Variants in RALGPS2 observed in about 807,000 individuals in gnomAD.
RALGPS2 encodes the protein Ral GEF with PH domain and SH3 binding motif 2, also known as ras-specific guanine nucleotide-releasing factor RalGPS2.
RALGPS2 carries 43 observed loss-of-function variants against 86.8 expected under a neutral mutation model. That is an observed-to-expected ratio of 0.50 (90% CI 0.39 to 0.64). The LOEUF (loss-of-function observed/expected upper bound fraction) is 0.64, where lower values mean the gene tolerates loss of function less well. Among genes scored for constraint, RALGPS2 ranks in the 30% least tolerant of loss-of-function variants. The pLI is 0.00. For synonymous variants in RALGPS2, 243 were observed against 231.3 expected, an observed-to-expected ratio of 1.05 and a Z score of -0.46; for missense variants, 536 against 694.6, an observed-to-expected ratio of 0.77 and a Z score of 2.57.
chr1:178,837,709 C>CAT (rs1553268702), intron 8 of RALGPS2, among the ~76,000 whole-genome samples: 1 of 151,836 alleles, frequency 6.6e-6, no homozygotes, highest in African/African-American at 2.4e-5. Context: ...TGCAGCCCAC[C>CAT]GAGCCGAAGC....
intron 8 of RALGPS2, chr1:178,850,567 A>T (rs939082493): frequency 4.6e-5 from 7 of 152,204 alleles, no homozygotes; most frequent in African/African-American, 1.7e-4. Context: ...TGGGAAAATC[A>T]GCATAGGATA....
intron 8 of RALGPS2, among the ~76,000 whole-genome samples, chr1:178,840,321 C>T (rs1219543834): frequency 2.0e-5 from 3 of 152,168 alleles, no homozygotes; most frequent in Admixed American, 6.5e-5. Flanking sequence ...ACAGTGCAAT[C>T]AAACTAGAAC....
chr1:178,778,371 A>G (rs1436805338), intron 2 of RALGPS2, among the ~76,000 whole-genome samples: 94 of 3,740 alleles, frequency 0.025, no homozygotes, highest in African/African-American at 0.054. Context: ...TTAGAATGGC[A>G]ATCATTAAAA....
chr1:178,763,547 G>A lies in RALGPS2; in HGVS notation c.-83-13135G>A, dbSNP rs138679706. 8.5e-3 allele frequency among the ~76,000 whole-genome samples: 1,297 copies of A among 152,206 alleles called. 17 individuals are homozygous for A. The highest frequency in any genetic ancestry group is 0.029 in the African/African-American group (1,200 of 41,532). ...TGAGCAGTGTTTTATAATCTTCATT[G>A]TAAAGATAGTAAACCTCTCTAGTTA... On this transcript the variant is annotated intron_variant, in intron 1 of 19. Transcript: ENST00000367635.
At chr1:178,856,922 G>A (rs144841192) in intron 8 of RALGPS2, among the ~76,000 whole-genome samples, 180 of 152,130 alleles carry the variant, frequency 1.2e-3, no homozygotes, top group African/African-American at 3.9e-3. Flanking sequence ...GTTACCTGTG[G>A]CACAAAACAT....
intron 1 of RALGPS2, among the ~76,000 whole-genome samples, chr1:178,757,758 T>C (rs1351317246): frequency 1.3e-5 from 2 of 152,120 alleles, no homozygotes; most frequent in African/African-American, 2.4e-5. Flanking sequence ...TTTACTTGTT[T>C]TGTTGTGTTT....
intron 8 of RALGPS2, chr1:178,853,679 T>C: frequency 6.2e-7 from 1 of 1,613,204 alleles, no homozygotes; most frequent in Admixed American, 1.7e-5. Flanking sequence ...GTCCAAACTG[T>C]TTTCACACCA....
intron 8 of RALGPS2, among the ~76,000 whole-genome samples, chr1:178,876,665 G>T (rs1353554979): frequency 6.6e-6 from 1 of 152,264 alleles, no homozygotes; most frequent in South Asian, 2.1e-4. Context: ...ATGAAGTAAT[G>T]GGGTAAAAGT....
rs888632393 is a variant in RALGPS2, at chr1:178,897,691, G to A, written c.1459G>A (p.Ala487Thr). 2 of 1,612,530 alleles carry A rather than the reference G, an allele frequency of 1.2e-6. No homozygotes were observed. Among genetic ancestry groups the A allele is most frequent in the Admixed American group, 3.3e-5 (2 of 59,834 alleles). Residue 487 changes from alanine (A) to threonine (T), a missense_variant, in exon 17 of 20, where the codon GCT becomes ACT. Physicochemically the swap from Ala to Thr is moderately conservative, Grantham distance 58. Around this residue, in one of 3 missense-constraint regions of RALGPS2, gnomAD observed 309 missense variants for 363.0 expected, o/e 0.85. Coordinates refer to ENST00000367635, the MANE Select transcript of RALGPS2 (RefSeq NM_152663.5). ...TVASWTKYWA[A>T]LCGTQLFYYA... is the part of the protein sequence containing the mutation. ...AGCATCTTGGACAAAATATTGGGCA[G>A]CTTTGTGTGGGACACAGCTTTTTTA... is the stretch of plus-strand genomic sequence containing the variant.
intron 1 of RALGPS2, among the ~76,000 whole-genome samples, chr1:178,751,163 T>G (rs557830846): frequency 6.6e-6 from 1 of 152,232 alleles, no homozygotes; most frequent in East Asian, 1.9e-4. Flanking sequence ...CAAACCCTTA[T>G]GCTTTTTTCT....
chr1:178,887,600 C>T (rs146989786), intron 13 of RALGPS2, among the ~76,000 whole-genome samples: 2,787 of 152,158 alleles, frequency 0.018, 97 homozygotes, highest in African/African-American at 0.062. Context: ...GGTAAACAGC[C>T]AGTAGAAGGA....
chr1:178,799,057 TGA>T (rs372196648), intron 4 of RALGPS2, among the ~76,000 whole-genome samples: 180 of 152,150 alleles, frequency 1.2e-3, no homozygotes, highest in African/African-American at 3.9e-3. Flanking sequence ...GTTGTTGTTT[TGA>T]GACGGAGTCT....
chr1:178,860,680 G>A (rs1657941326), intron 8 of RALGPS2, among the ~76,000 whole-genome samples: 1 of 152,122 alleles, frequency 6.6e-6, no homozygotes, highest in African/African-American at 2.4e-5. Flanking sequence ...CATATAAGTA[G>A]AGTCTCATAC....
intron 1 of RALGPS2, among the ~76,000 whole-genome samples, chr1:178,767,358 C>CTTTTTTTT (rs1159630163): frequency 8.5e-5 from 6 of 70,452 alleles, no homozygotes; most frequent in East Asian, 5.3e-4. Flanking sequence ...TGTCCTTTGG[C>CTTTTTTTT]TTTTTTTTTT....
intron 7 of RALGPS2, among the ~76,000 whole-genome samples, chr1:178,828,341 C>G (rs1172857041): frequency 6.6e-6 from 1 of 152,160 alleles, no homozygotes; most frequent in African/African-American, 2.4e-5. Context: ...GCCTACAATA[C>G]ACCTAGGCTA....
At chr1:178,746,696 A>G in intron 1 of RALGPS2, 1 of 774,510 alleles carries the variant, frequency 1.3e-6, no homozygotes. Context: ...GGTATCTGTC[A>G]ATCTTGGCCT....
intron 1 of RALGPS2, among the ~76,000 whole-genome samples, chr1:178,742,284 T>C (rs1198581694): frequency 6.6e-6 from 1 of 152,040 alleles, no homozygotes; most frequent in East Asian, 1.9e-4. Context: ...TACACCATGC[T>C]CGCAATAGTC....
chr1:178,806,719 A>G (rs1400734241), intron 4 of RALGPS2, among the ~76,000 whole-genome samples: 3 of 151,948 alleles, frequency 2.0e-5, no homozygotes, highest in Non-Finnish European at 4.4e-5. Flanking sequence ...TAATAATTAT[A>G]TGGTTTTGGC....
intron 4 of RALGPS2, 139 bp downstream of exon 4, chr1:178,785,746 T>C: frequency 2.6e-6 from 3 of 1,150,728 alleles, no homozygotes; most frequent in Non-Finnish European, 3.5e-6. Context: ...ACATACTGTT[T>C]GGGCCTCAGA....
Sources: allele counts gnomAD v4.1 joint callset (sites outside exome capture counted in the v4.1 genomes callset), GRCh38; gene constraint gnomAD v4.1.1; regional missense constraint gnomAD v4.1.1; transcripts MANE v1.5; gene names NCBI Gene and HGNC (gene_info 2026-07-23, HGNC 2026-07-21).